MSL2: variants seen among roughly 807,000 people sequenced by gnomAD.
The protein encoded by MSL2 is MSL complex subunit 2.
Under a neutral mutation model 35.8 loss-of-function variants are expected in MSL2, and 2 were observed. The ratio of observed to expected loss-of-function variants is 0.06; its 90% confidence interval spans 0.02 to 0.18. The LOEUF (loss-of-function observed/expected upper bound fraction) is 0.18. Among genes scored for constraint, MSL2 ranks in the 10% least tolerant of loss-of-function variants. The pLI, the probability that MSL2 is intolerant of heterozygous loss-of-function variation, is 1.00. For synonymous variants in MSL2, 296 were observed against 255.7 expected, an observed-to-expected ratio of 1.16 and a Z score of -1.50; for missense variants, 523 against 706.7, an observed-to-expected ratio of 0.74 and a Z score of 2.95.
At chr3:136,186,276 T>C (rs573530367) in intron 1 of MSL2, among the ~76,000 whole-genome samples, 3 of 152,330 alleles carry the variant, frequency 2.0e-5, no homozygotes, top group South Asian at 2.1e-4. Flanking sequence ...CCATGGGTGA[T>C]TGGTTCAAGC....
At position 136,195,862 on chromosome 3, in the gene MSL2, C is replaced by A; in HGVS notation, c.-749G>T. 18 of 977,324 alleles carry A rather than the reference C, an allele frequency of 1.8e-5. No homozygotes were observed. Among genetic ancestry groups the A allele is most frequent in the Middle Eastern group, 5.3e-4 (1 of 1,890 alleles). The allele number at this position is 977,324 out of a possible 1,614,324, so 60.5% of individuals were successfully genotyped here. A position where few individuals can be genotyped will look rare whatever the true frequency, so the allele number is the denominator to read the frequency against. ...GAGGAAGTGCGCGGGCCGCCGCCGG[C>A]GGGCGGGAGGGGGCGGGGGGCAAGC... On this transcript the variant is annotated 5_prime_UTR_variant, in exon 1 of 2. Transcript: ENST00000309993.
At chr3:136,155,128 G>C (rs1939481908) in intron 1 of MSL2, among the ~76,000 whole-genome samples, 1 of 151,826 alleles carries the variant, frequency 6.6e-6, no homozygotes, top group Non-Finnish European at 1.5e-5. Context: ...ACAATCGCTT[G>C]AACCCGGGAG....
chr3:136,152,295 T>C lies in MSL2; in HGVS notation c.586A>G (p.Thr196Ala), dbSNP rs377613987. The change falls in exon 2 of 2, where the codon ACT becomes GCT. Residue 196 changes from threonine (T) to alanine (A), a missense_variant. Thr to Ala is a moderately conservative substitution (Grantham distance 58). Coordinates refer to ENST00000309993, the MANE Select transcript of MSL2 (RefSeq NM_018133.4). The part of the protein sequence containing the change: ...IGSSVINGLP[T>A]YNGLSIDRFG... ...CTATCTATTGAAAGCCCATTATAAG[T>C]AGGCAAACCATTGATAACAGAACTG... The C allele has an allele frequency of 8.7e-6, 14 of 1,614,052 alleles. No homozygotes were observed. Among genetic ancestry groups the C allele is most frequent in the African/African-American group, 5.3e-5 (4 of 75,038 alleles).
At chr3:136,180,780 G>A (rs868460617) in intron 1 of MSL2, among the ~76,000 whole-genome samples, 8 of 58,572 alleles carry the variant, frequency 1.4e-4, no homozygotes, top group African/African-American at 5.1e-4. Flanking sequence ...GAGGGAGGGA[G>A]GGAGGGAGGG....
At position 136,195,340 on chromosome 3, in the gene MSL2, ATG is replaced by A; in HGVS notation, c.-229_-228del. On this transcript the variant is annotated 5_prime_UTR_variant, in exon 1 of 2. Coordinates refer to ENST00000309993, the MANE Select transcript of MSL2 (RefSeq NM_018133.4). ...TCCCTGAGACTTCCAGACCAAAAAT[ATG>A]AGAGAGAAACCAGCGTTCGAGTTCG... The A allele has an allele frequency of 7.6e-7, 1 of 1,318,296 alleles. No homozygotes were observed. The highest frequency in any genetic ancestry group is 9.7e-7 in the Non-Finnish European group (1 of 1,036,262). The allele number at this position is 1,318,296 out of a possible 1,614,324, so 81.7% of individuals were successfully genotyped here. A position where few individuals can be genotyped will look rare whatever the true frequency, so the allele number is the denominator to read the frequency against.
Position 136,149,634 on chromosome 3 carries a change from C to T in MSL2, c.*1513G>A, listed in dbSNP as rs1170113915. On this transcript the variant is annotated 3_prime_UTR_variant, in exon 2 of 2. Transcript: ENST00000309993. ...AGCCCAACAACAACAACAAAAACAA[C>T]TCTACCTGACCACATTCACAGAAAA... 1.7e-5 allele frequency: 2 copies of T among 118,608 alleles called. No individual in the cohort carries two copies. Among genetic ancestry groups the T allele is most frequent in the Admixed American group, 2.2e-4 (2 of 8,922 alleles). The allele number at this position is 118,608 out of a possible 1,614,324, so 7.3% of individuals were successfully genotyped here.
At chr3:136,154,572 A>G (rs545153322) in intron 1 of MSL2, among the ~76,000 whole-genome samples, 10 of 118,186 alleles carry the variant, frequency 8.5e-5, no homozygotes, top group East Asian at 2.0e-4. Flanking sequence ...ATCAGTGGGA[A>G]AAAAAAAAAT....
chr3:136,152,289 T>C lies in MSL2; in HGVS notation c.592A>G (p.Asn198Asp). The change falls in exon 2 of 2, where the codon AAT becomes GAT. Residue 198 changes from asparagine (N) to aspartate (D), a missense_variant. Around this residue, in one of 5 missense-constraint regions of MSL2, gnomAD observed 361 missense variants for 414.6 expected, o/e 0.87. Transcript: ENST00000309993. ...SSVINGLPTY[N>D]GLSIDRFGIN... ...CCAAATCTATCTATTGAAAGCCCAT[T>C]ATAAGTAGGCAAACCATTGATAACA... 6.2e-7 allele frequency: 1 copy of C among 1,614,116 alleles called. No individual in the cohort carries two copies. The highest frequency in any genetic ancestry group is 8.5e-7 in the Non-Finnish European group (1 of 1,179,944).
chr3:136,159,361 T>C (rs981540898), intron 1 of MSL2, among the ~76,000 whole-genome samples: 22 of 126,864 alleles, frequency 1.7e-4, no homozygotes, highest in African/African-American at 6.7e-4. Flanking sequence ...TTTCTTTTTT[T>C]TTTTTTTTTT....
rs762692724 is a variant in MSL2 at position 136,194,954 on chromosome 3, C to T, written c.142+18G>A. ...TTAAAAACAAGCATTGAAAAGGGAA[C>T]AATAAAAAGCGTCTCACCGCAAACA... is the stretch of plus-strand genomic sequence containing the variant. On this transcript the variant is annotated intron_variant, in intron 1 of 1. Transcript: ENST00000309993. 2 of 1,613,298 alleles carry T rather than the reference C, an allele frequency of 1.2e-6. No homozygotes were observed. Among genetic ancestry groups the T allele is most frequent in the Non-Finnish European group, 1.7e-6 (2 of 1,179,848 alleles).
intron 1 of MSL2, among the ~76,000 whole-genome samples, chr3:136,191,010 C>T (rs1446815943): frequency 6.6e-6 from 1 of 152,154 alleles, no homozygotes; most frequent in African/African-American, 2.4e-5. Context: ...ACAGTAATAA[C>T]AAAACTGTAA....
In MSL2 at chr3:136,150,920, C is replaced by T. The variant is rs1939342324; in HGVS notation, c.*227G>A. On this transcript the variant is annotated 3_prime_UTR_variant, in exon 2 of 2. Transcript: ENST00000309993. ...ATAAATCAGTTGCATCAGCTTTGTT[C>T]TCAAACTATGAGGTTCTGTAAGAAC... 5.9e-6 allele frequency: 3 copies of T among 507,002 alleles called. No individual in the cohort carries two copies. The highest frequency in any genetic ancestry group is 3.4e-5 in the South Asian group (1 of 29,024). 31.4% of individuals were successfully genotyped at this position (507,002 alleles called of 1,614,324 possible).
intron 1 of MSL2, among the ~76,000 whole-genome samples, chr3:136,173,134 G>T (rs1363770088): frequency 2.0e-5 from 3 of 152,192 alleles, no homozygotes; most frequent in Non-Finnish European, 4.4e-5. Context: ...CTGCACTCCA[G>T]CCTGGGCGAC....
At chr3:136,194,901 G>A (rs1454003372) in intron 1 of MSL2, 71 bp downstream of exon 1, 7 of 1,598,760 alleles carry the variant, frequency 4.4e-6, no homozygotes, top group Non-Finnish European at 6.0e-6. Flanking sequence ...CCGTCAACCC[G>A]CTCACGTTAC....
At chr3:136,191,376 G>C (rs1351103150) in intron 1 of MSL2, among the ~76,000 whole-genome samples, 1 of 151,580 alleles carries the variant, frequency 6.6e-6, no homozygotes, top group Non-Finnish European at 1.5e-5. Flanking sequence ...GCTGAGGCAG[G>C]AGAATCACTT....
chr3:136,172,812 T>C (rs192933838), intron 1 of MSL2, among the ~76,000 whole-genome samples: 31 of 152,288 alleles, frequency 2.0e-4, no homozygotes, highest in Admixed American at 5.9e-4. Context: ...CAGAATCTTA[T>C]GAGGATCATT....
chr3:136,170,578 G>A (rs1157379995), intron 1 of MSL2, among the ~76,000 whole-genome samples: 2 of 136,738 alleles, frequency 1.5e-5, no homozygotes, highest in Non-Finnish European at 3.1e-5. Flanking sequence ...GCAGTGGCGT[G>A]ATCTCGGCTC....
At chr3:136,173,161 T>C (rs1422509630) in intron 1 of MSL2, among the ~76,000 whole-genome samples, 1 of 152,102 alleles carries the variant, frequency 6.6e-6, no homozygotes, top group Non-Finnish European at 1.5e-5. Context: ...AGACTTTGTC[T>C]CAAAATAAAC....
Position 136,195,118 on chromosome 3 carries a change from G to A in MSL2, c.-5C>T. 1.3e-6 allele frequency: 2 copies of A among 1,590,682 alleles called. No homozygotes were observed. The highest frequency in any genetic ancestry group is 1.7e-6 in the Non-Finnish European group (2 of 1,168,910). On this transcript the variant is annotated 5_prime_UTR_variant, in exon 1 of 2. Transcript: ENST00000309993. ...AGTAGCATTCACGGGGTTCATTGCA[G>A]ACACTTCGACACCAATGGCTCCCGG...
Sources: gnomAD v4.1 joint callset for allele counts (sites outside exome capture counted in the v4.1 genomes callset) on GRCh38, gnomAD v4.1.1 for gene constraint, gnomAD v4.1.1 regional missense constraint, MANE v1.5 for transcripts, NCBI Gene and HGNC (gene_info 2026-07-23, HGNC 2026-07-21) for gene names.